Variants in SCHIP1 observed in about 807,000 individuals in gnomAD.
The protein encoded by SCHIP1 is schwannomin interacting protein 1, also known as schwannomin-interacting protein 1.
A neutral mutation model predicts 29.7 loss-of-function variants in SCHIP1; 8 were observed. That is an observed-to-expected ratio of 0.27 (90% CI 0.16 to 0.49). The LOEUF (loss-of-function observed/expected upper bound fraction) is 0.49, where lower values mean the gene tolerates loss of function less well. SCHIP1 is among the 20% of genes least tolerant of loss of function. The pLI is 0.99. For synonymous variants in SCHIP1, 76 were observed against 94.9 expected (o/e 0.80, Z 1.16); for missense variants, 193 against 294.6 (o/e 0.66, Z 2.52).
intron 6 of SCHIP1, among the ~76,000 whole-genome samples, chr3:159,896,437 T>A (rs958916718): frequency 6.6e-6 from 1 of 152,224 alleles, no homozygotes; most frequent in Non-Finnish European, 1.5e-5. Context: ...AGATGTTTAT[T>A]TATTTTCATT....
At chr3:159,763,391 G>C in the SCHIP1 span, among the ~76,000 whole-genome samples, 3 of 152,128 alleles carry the variant, frequency 2.0e-5, no homozygotes, top group Non-Finnish European at 4.4e-5. Context: ...TGGCTTCGGC[G>C]GGGTAACGAG....
At chr3:159,447,952 G>A in the SCHIP1 span, among the ~76,000 whole-genome samples, 5 of 152,252 alleles carry the variant, frequency 3.3e-5, no homozygotes, top group African/African-American at 1.2e-4. Flanking sequence ...CTCATAGTGT[G>A]CTATGGAACA....
At chr3:159,597,483 T>C in the SCHIP1 span, among the ~76,000 whole-genome samples, 1 of 152,168 alleles carries the variant, frequency 6.6e-6, no homozygotes, top group Non-Finnish European at 1.5e-5. Context: ...TTTACCTACA[T>C]GTGATCAAGT....
chr3:159,623,603 G>A, the SCHIP1 span, among the ~76,000 whole-genome samples: 3 of 152,164 alleles, frequency 2.0e-5, no homozygotes, highest in African/African-American at 7.2e-5. Context: ...TCCAACCTGG[G>A]TGACAGAGTG....
intron 1 of SCHIP1, among the ~76,000 whole-genome samples, chr3:159,864,022 C>A (rs929120150): frequency 4.6e-5 from 7 of 152,158 alleles, no homozygotes; most frequent in Admixed American, 2.6e-4. Flanking sequence ...TTGCTATCTA[C>A]TGATTTTATA....
the SCHIP1 span, among the ~76,000 whole-genome samples, chr3:159,578,605 A>G: frequency 6.6e-6 from 1 of 152,198 alleles, no homozygotes; most frequent in African/African-American, 2.4e-5. Context: ...CCTAACATCA[A>G]GGTTCAGCAG....
At chr3:159,752,600 C>T in the SCHIP1 span, among the ~76,000 whole-genome samples, 15 of 152,006 alleles carry the variant, frequency 9.9e-5, no homozygotes, top group Admixed American at 9.2e-4. Context: ...TGAGGTGTCT[C>T]GCATGGTGGA....
At chr3:159,441,280 C>T in the SCHIP1 span, among the ~76,000 whole-genome samples, 8 of 152,076 alleles carry the variant, frequency 5.3e-5, no homozygotes, top group Non-Finnish European at 1.2e-4. Context: ...ATCAGGTTGC[C>T]AGAGATAGCA....
At chr3:159,870,993 T>G (rs1249326013) in intron 2 of SCHIP1, among the ~76,000 whole-genome samples, 2 of 152,190 alleles carry the variant, frequency 1.3e-5, no homozygotes, top group Non-Finnish European at 1.5e-5. Context: ...ACATACTTTT[T>G]ATTTCCTCAG....
chr3:159,304,252 A>G, the SCHIP1 span, among the ~76,000 whole-genome samples: 7 of 152,164 alleles, frequency 4.6e-5, no homozygotes, highest in Admixed American at 1.3e-4. Context: ...GTTATTGCAT[A>G]GTCTTTATAA....
At chr3:159,618,843 G>A in the SCHIP1 span, among the ~76,000 whole-genome samples, 1 of 152,208 alleles carries the variant, frequency 6.6e-6, no homozygotes, top group Non-Finnish European at 1.5e-5. Flanking sequence ...GAGTGTGGGG[G>A]CCTGCTCCTG....
the SCHIP1 span, among the ~76,000 whole-genome samples, chr3:159,510,561 C>T: frequency 5.6e-4 from 86 of 152,270 alleles, no homozygotes; most frequent in African/African-American, 1.9e-3. Context: ...TTAGAGTTTC[C>T]GGTTTTTCTG....
chr3:159,783,626 A>C, the SCHIP1 span, among the ~76,000 whole-genome samples: 37,668 of 152,122 alleles, frequency 0.25, 4,915 homozygotes, highest in East Asian at 0.45. Flanking sequence ...CACTTCTTAT[A>C]CTTGGAGAAC....
the SCHIP1 span, among the ~76,000 whole-genome samples, chr3:159,790,186 A>G: frequency 5.3e-5 from 8 of 152,224 alleles, no homozygotes; most frequent in African/African-American, 1.7e-4. Context: ...GACTCTACTC[A>G]GCAGCTGGGC....
At chr3:159,880,611 T>C (rs1716339936) in intron 2 of SCHIP1, among the ~76,000 whole-genome samples, 1 of 152,124 alleles carries the variant, frequency 6.6e-6, no homozygotes, top group Admixed American at 6.5e-5. Context: ...TAAAAAGCAA[T>C]AGAGAATACT....
At chr3:159,395,106 G>A in the SCHIP1 span, among the ~76,000 whole-genome samples, 2 of 152,190 alleles carry the variant, frequency 1.3e-5, no homozygotes, top group African/African-American at 4.8e-5. Flanking sequence ...TTTGCATAGA[G>A]GTGTTTGTTT....
chr3:159,444,419 T>G, the SCHIP1 span, among the ~76,000 whole-genome samples: 1 of 151,950 alleles, frequency 6.6e-6, no homozygotes, highest in Non-Finnish European at 1.5e-5. Context: ...ACCTCCAGGA[T>G]TGTCCCTGGA....
At chr3:159,388,351 C>A in the SCHIP1 span, among the ~76,000 whole-genome samples, 1 of 151,688 alleles carries the variant, frequency 6.6e-6, no homozygotes, top group Non-Finnish European at 1.5e-5. Flanking sequence ...ATTTAAAATG[C>A]CAAGGAGTAA....
the SCHIP1 span, among the ~76,000 whole-genome samples, chr3:159,813,384 C>T: frequency 6.6e-6 from 1 of 152,164 alleles, no homozygotes; most frequent in Non-Finnish European, 1.5e-5. Flanking sequence ...CCATAAGTGG[C>T]AGTTCTGTGA....
Sources: gnomAD v4.1 joint callset for allele counts (sites outside exome capture counted in the v4.1 genomes callset) on GRCh38, gnomAD v4.1.1 for gene constraint, MANE v1.5 for transcripts, NCBI Gene and HGNC (gene_info 2026-07-23, HGNC 2026-07-21) for gene names.